The following AMELY variants were observed in gnomAD, a reference collection of about 807,000 sequenced individuals.
The protein encoded by AMELY is amelogenin, Y isoform.
Under a neutral mutation model 4.2 loss-of-function variants are expected in AMELY, and 4 were observed. The ratio of observed to expected loss-of-function variants is 0.96; its 90% CI spans 0.47 to 2.19. The LOEUF (loss-of-function observed/expected upper bound fraction) is 2.19, where lower values mean the gene tolerates loss of function less well. Ranked by LOEUF, AMELY falls within the 30% of genes most tolerant of loss-of-function variation. The pLI is 0.02. For synonymous variants in AMELY, 11 were observed against 14.7 expected, an observed-to-expected ratio of 0.75 and a Z score of 0.57; for missense variants, 32 against 41.5, an observed-to-expected ratio of 0.77 and a Z score of 0.63.
chrY:6,867,772 G>C, intron 6 of AMELY, among the ~76,000 whole-genome samples: 1 of 32,977 alleles, frequency 3.0e-5, no homozygotes, highest in Non-Finnish European at 7.5e-5. Context: ...CTATTAATGG[G>C]TTGTCATAAT....
intron 3 of AMELY, among the ~76,000 whole-genome samples, chrY:6,871,938 G>T (rs1603021567): frequency 3.2e-5 from 1 of 30,974 alleles, no homozygotes; most frequent in Non-Finnish European, 7.7e-5. Flanking sequence ...CAGCCTGGGC[G>T]ACAGAGCAAG....
At chrY:6,904,055 C>T (rs2011657223) in intron 1 of AMELY, among the ~76,000 whole-genome samples, 1 of 33,500 alleles carries the variant, frequency 3.0e-5, no homozygotes, top group Non-Finnish European at 7.4e-5. Context: ...TACCTGCCAC[C>T]ATGGTCACTT....
chrY:6,870,448 T>A, intron 3 of AMELY, among the ~76,000 whole-genome samples: 1 of 33,925 alleles, frequency 2.9e-5, no homozygotes, highest in Admixed American at 2.7e-4. Context: ...ATAAAACTCA[T>A]CCCATGTTGG....
chrY:6,876,130 C>G, intron 1 of AMELY, among the ~76,000 whole-genome samples: 1 of 33,199 alleles, frequency 3.0e-5, no homozygotes, highest in Non-Finnish European at 7.4e-5. Flanking sequence ...CTAATTCATA[C>G]AGTCTTAACA....
chrY:6,899,709 G>A, intron 1 of AMELY, among the ~76,000 whole-genome samples: 1 of 30,865 alleles, frequency 3.2e-5, no homozygotes, highest in South Asian at 7.8e-4. Context: ...CTCCAGCCTG[G>A]GCAACAAGAA....
chrY:6,880,021 G>A (rs755816409), intron 1 of AMELY, among the ~76,000 whole-genome samples: 1 of 32,560 alleles, frequency 3.1e-5, no homozygotes, highest in East Asian at 8.0e-4. Flanking sequence ...TTGGTGATGC[G>A]GGCTCTTTTT....
At chrY:6,885,320 A>G (rs749447784) in intron 1 of AMELY, among the ~76,000 whole-genome samples, 3 of 33,724 alleles carry the variant, frequency 8.9e-5, no homozygotes, top group Admixed American at 5.4e-4. Context: ...CTAAAAATAC[A>G]AAAAATTAGC....
At chrY:6,872,917 G>A in intron 2 of AMELY, among the ~76,000 whole-genome samples, 1 of 32,986 alleles carries the variant, frequency 3.0e-5, no homozygotes, top group Admixed American at 2.8e-4. Context: ...GTCCTGTAAA[G>A]CCATATAAGC....
At chrY:6,877,965 TGTG>T (rs2054072726) in intron 1 of AMELY, among the ~76,000 whole-genome samples, 1 of 27,559 alleles carries the variant, frequency 3.6e-5, no homozygotes, top group African/African-American at 1.4e-4. Context: ...CTCAAACAAT[TGTG>T]TGTGTGTGTG....
intron 2 of AMELY, among the ~76,000 whole-genome samples, chrY:6,873,330 A>G: frequency 3.0e-5 from 1 of 33,395 alleles, no homozygotes; most frequent in African/African-American, 1.2e-4. Context: ...ATTTTATTTC[A>G]TGGTATCTTC....
chrY:6,887,363 A>C, intron 1 of AMELY, among the ~76,000 whole-genome samples: 1 of 33,889 alleles, frequency 3.0e-5, no homozygotes, highest in African/African-American at 1.1e-4. Flanking sequence ...AACAATAATT[A>C]CAAATTTATA....
At chrY:6,878,854 A>T (rs2054073112) in intron 1 of AMELY, among the ~76,000 whole-genome samples, 1 of 33,179 alleles carries the variant, frequency 3.0e-5, no homozygotes, top group South Asian at 6.9e-4. Flanking sequence ...CGCTGGTAGA[A>T]ATGTAATTTT....
At chrY:6,871,960 A>AAAC (rs1316640666) in intron 3 of AMELY, among the ~76,000 whole-genome samples, 60 of 29,415 alleles carry the variant, frequency 2.0e-3, no homozygotes, top group South Asian at 8.8e-3. Context: ...CTCCATCTCA[A>AAAC]AACAACAACA....
chrY:6,894,845 GC>G (rs2054085335), intron 1 of AMELY, among the ~76,000 whole-genome samples: 1 of 33,817 alleles, frequency 3.0e-5, no homozygotes, highest in Admixed American at 2.7e-4. Context: ...AGAGTCTCTG[GC>G]TGAAGTAGTT....
rs1009216970 is a variant in AMELY at position 6,866,011 on chromosome Y, T to C, written c.*62A>G. On this transcript the variant is annotated 3_prime_UTR_variant, in exon 7 of 7. Coordinates refer to ENST00000651267, the MANE Select transcript of AMELY (RefSeq NM_001143.2). Reference sequence around the variant, plus strand: ...ATTGTAAGCAAAAATCATTGTGTGCTTGTGTCATCCCTGAAAGCAACTAAA... The same window carrying C: ...ATTGTAAGCAAAAATCATTGTGTGCCTGTGTCATCCCTGAAAGCAACTAAA... 101 of 208,883 alleles carry C rather than the reference T, an allele frequency of 4.8e-4. No homozygotes were observed. Among genetic ancestry groups the C allele is most frequent in the African/African-American group, 8.0e-5 (1 of 12,477 alleles). The allele number at this position is 208,883 out of a possible 400,897, so 52.1% of individuals were successfully genotyped here.
intron 1 of AMELY, among the ~76,000 whole-genome samples, chrY:6,885,741 G>A: frequency 2.9e-5 from 1 of 34,235 alleles, no homozygotes; most frequent in Non-Finnish European, 7.3e-5. Context: ...TGAAGCAGAT[G>A]GCTCTCATCC....
intron 1 of AMELY, among the ~76,000 whole-genome samples, chrY:6,896,828 A>G (rs750070224): frequency 6.7e-4 from 22 of 33,067 alleles, no homozygotes; most frequent in African/African-American, 2.5e-3. Context: ...TTATAGTTAA[A>G]GCTGGGTAAA....
intron 1 of AMELY, among the ~76,000 whole-genome samples, chrY:6,894,028 A>G: frequency 3.0e-5 from 1 of 33,500 alleles, no homozygotes; most frequent in African/African-American, 1.2e-4. Flanking sequence ...CCATCCAAAA[A>G]AAAATCTTAA....
intron 1 of AMELY, among the ~76,000 whole-genome samples, chrY:6,909,169 A>G: frequency 3.0e-5 from 1 of 33,485 alleles, no homozygotes; most frequent in African/African-American, 1.2e-4. Flanking sequence ...AGGGTGCGGT[A>G]GCCGAGGGCT....
Sources: gnomAD v4.1 joint callset for allele counts (sites outside exome capture counted in the v4.1 genomes callset) on GRCh38, gnomAD v4.1.1 for gene constraint, MANE v1.5 for transcripts, NCBI Gene and HGNC (gene_info 2026-07-23, HGNC 2026-07-21) for gene names.